The following FAM171A1 variants were observed in gnomAD, a reference collection of about 807,000 sequenced individuals.
FAM171A1 encodes family with sequence similarity 171 member A1, also known as protein FAM171A1.
FAM171A1 carries 23 observed loss-of-function variants against 74.9 expected under a neutral mutation model. The ratio of observed to expected loss-of-function variants is 0.31; its 90% confidence interval spans 0.22 to 0.44. The LOEUF (loss-of-function observed/expected upper bound fraction) is 0.44. Among genes scored for constraint, FAM171A1 ranks in the 20% least tolerant of loss-of-function variants. FAM171A1 has a pLI of 1.00. For missense variants in FAM171A1, 1,162 were observed against 1,159.2 expected, an observed-to-expected ratio of 1.00 and a Z score of -0.03; for synonymous variants, 527 against 505.7, an observed-to-expected ratio of 1.04 and a Z score of -0.57.
intron 5 of FAM171A1, among the ~76,000 whole-genome samples, chr10:15,234,955 C>T (rs373393117): frequency 6.6e-6 from 1 of 152,066 alleles, no homozygotes; most frequent in African/African-American, 2.4e-5. Context: ...AGCCACCGTG[C>T]CGGGCCGATC....
chr10:15,232,680 T>C (rs1215210717), intron 5 of FAM171A1, among the ~76,000 whole-genome samples: 2 of 152,206 alleles, frequency 1.3e-5, no homozygotes, highest in Admixed American at 1.3e-4. Context: ...AAACAGGTGG[T>C]TGTTCTGCAT....
intron 1 of FAM171A1, among the ~76,000 whole-genome samples, chr10:15,323,590 C>A (rs1835514279): frequency 6.6e-6 from 1 of 152,130 alleles, no homozygotes; most frequent in Non-Finnish European, 1.5e-5. Context: ...AATTTATAAT[C>A]AGAAATGGAC....
At chr10:15,251,984 G>T (rs1189767733) in intron 4 of FAM171A1, among the ~76,000 whole-genome samples, 1 of 152,194 alleles carries the variant, frequency 6.6e-6, no homozygotes, top group Non-Finnish European at 1.5e-5. Context: ...CTCGTCACGT[G>T]ACAGGTTCTG....
At chr10:15,263,029 C>T (rs1834680316) in intron 3 of FAM171A1, among the ~76,000 whole-genome samples, 1 of 152,166 alleles carries the variant, frequency 6.6e-6, no homozygotes, top group South Asian at 2.1e-4. Flanking sequence ...GGAAAAGCTT[C>T]CCACAGCAGC....
At chr10:15,228,126 T>C (rs1378047590) in intron 5 of FAM171A1, among the ~76,000 whole-genome samples, 16 of 152,200 alleles carry the variant, frequency 1.1e-4, no homozygotes, top group Admixed American at 9.2e-4. Context: ...CACAGTTACC[T>C]GGCTTTTCCT....
At chr10:15,214,726 G>A in intron 7 of FAM171A1, 125 bp from the exon 8 acceptor site, 3 of 1,287,208 alleles carry the variant, frequency 2.3e-6, no homozygotes. Flanking sequence ...CAAGTCAGGA[G>A]CAGCCAAAAG....
upstream of FAM171A1, among the ~76,000 whole-genome samples, chr10:15,373,788 C>G (rs529910678): frequency 6.6e-6 from 1 of 152,278 alleles, no homozygotes; most frequent in African/African-American, 2.4e-5. Flanking sequence ...ATTGTTCACT[C>G]AAAACACTGG....
At chr10:15,263,848 C>CATCTATCT (rs56341083) in intron 3 of FAM171A1, among the ~76,000 whole-genome samples, 155 of 143,872 alleles carry the variant, frequency 1.1e-3, no homozygotes, top group Non-Finnish European at 1.3e-3. Flanking sequence ...ACATTTATCT[C>CATCTATCT]ATCTATCTAT....
Position 15,213,887 on chromosome 10 carries a change from G to C in FAM171A1, c.1701C>G (p.Asp567Glu). Residue 567 changes from aspartate to glutamate, a missense_variant, in exon 8 of 8, where the codon GAC (aspartate) becomes GAG (glutamate). Coordinates refer to ENST00000378116, the MANE Select transcript of FAM171A1 (RefSeq NM_001010924.2). This position sits in a 1 kb window ranked among gnomAD's most constrained non-coding sequence, Gnocchi z 6.8. ...TCCTGTAAACGCTGTCATTGACCTG[G>C]TCGACAGAACTGCAGCAGATTAACT... ...PGQLICCSSV[D>E]QVNDSVYRKV... The C allele has an allele frequency of 6.2e-7, 1 of 1,614,184 alleles. No individual in the cohort carries two copies.
intron 1 of FAM171A1, among the ~76,000 whole-genome samples, chr10:15,356,752 CCT>C (rs1835937249): frequency 6.6e-6 from 1 of 152,064 alleles, no homozygotes; most frequent in African/African-American, 2.4e-5. Flanking sequence ...GGGTGGATCC[CCT>C]GAGATCAGGA....
At chr10:15,271,577 T>C (rs942217272) in intron 3 of FAM171A1, among the ~76,000 whole-genome samples, 2 of 152,084 alleles carry the variant, frequency 1.3e-5, no homozygotes, top group Non-Finnish European at 2.9e-5. Context: ...AGACACATAA[T>C]TGTCAGATTC....
At chr10:15,327,763 C>T (rs979358308) in intron 1 of FAM171A1, among the ~76,000 whole-genome samples, 2 of 151,938 alleles carry the variant, frequency 1.3e-5, no homozygotes, top group African/African-American at 4.8e-5. Flanking sequence ...GACACATGGG[C>T]CTACTTGAGG....
Position 15,359,559 on chromosome 10 carries a change from T to C in FAM171A1, c.97+11397A>G, listed in dbSNP as rs568104138. Among the ~76,000 whole-genome samples the C allele has an allele frequency of 3.3e-5, 5 of 152,300 alleles. No individual in the cohort carries two copies. The East Asian group carries it at 9.6e-4, about 29-fold the overall frequency. ...CGACATTTTAGCTGGGCAGGCGGAA[T>C]GAGTCCTCCAAAGACATCCAAGCCC... On this transcript the variant is annotated intron_variant, in intron 1 of 7. Coordinates refer to ENST00000378116, the MANE Select transcript of FAM171A1 (RefSeq NM_001010924.2).
intron 1 of FAM171A1, among the ~76,000 whole-genome samples, chr10:15,296,099 G>A (rs1835157943): frequency 6.6e-6 from 1 of 151,976 alleles, no homozygotes; most frequent in Non-Finnish European, 1.5e-5. Context: ...TGCGTGAAGG[G>A]GTGGCTTTCT....
At chr10:15,280,368 A>G (rs1834951941) in intron 2 of FAM171A1, among the ~76,000 whole-genome samples, 1 of 152,226 alleles carries the variant, frequency 6.6e-6, no homozygotes, top group Non-Finnish European at 1.5e-5. Context: ...TCTGTGGGGT[A>G]GAACAACTGG....
intron 1 of FAM171A1, among the ~76,000 whole-genome samples, chr10:15,302,007 G>C (rs1588542109): frequency 6.6e-6 from 1 of 152,196 alleles, no homozygotes; most frequent in Middle Eastern, 3.4e-3. Flanking sequence ...CCAATTTTTG[G>C]GTAATGTCTT....
intron 1 of FAM171A1, among the ~76,000 whole-genome samples, chr10:15,332,903 C>T (rs985004291): frequency 5.6e-5 from 7 of 125,076 alleles, no homozygotes; most frequent in Non-Finnish European, 1.2e-4. Context: ...TGAATATAAT[C>T]TATTAAAGGG....
intron 4 of FAM171A1, among the ~76,000 whole-genome samples, chr10:15,252,588 T>A (rs960070362): frequency 1.3e-5 from 2 of 152,184 alleles, no homozygotes; most frequent in Non-Finnish European, 2.9e-5. Context: ...TACTGAGGTG[T>A]CTGTGCTCAA....
intron 7 of FAM171A1, among the ~76,000 whole-genome samples, chr10:15,215,379 T>C (rs1833954356): frequency 6.6e-6 from 1 of 152,038 alleles, no homozygotes; most frequent in South Asian, 2.1e-4. Context: ...ATAATTTTTT[T>C]TTTTGAGATG....
Sources: gnomAD v4.1 joint callset for allele counts (sites outside exome capture counted in the v4.1 genomes callset) on GRCh38, gnomAD v4.1.1 for gene constraint, Gnocchi (gnomAD v3.1) non-coding constraint, MANE v1.5 for transcripts, NCBI Gene and HGNC (gene_info 2026-07-23, HGNC 2026-07-21) for gene names.